Variants in ASH1L observed in about 807,000 individuals in gnomAD.
ASH1L encodes histone-lysine N-methyltransferase ASH1L.
Under a neutral mutation model 269.0 loss-of-function variants are expected in ASH1L, and 23 were observed. The observed-to-expected ratio is 0.09, with a 90% confidence interval of 0.06 to 0.12. ASH1L has a LOEUF of 0.12. Ranked by LOEUF, ASH1L falls within the 10% of genes least tolerant of loss-of-function variation. The pLI, the probability that ASH1L is intolerant of heterozygous loss-of-function variation, is 1.00. For missense variants in ASH1L, 2,912 were observed against 3,567.8 expected, an observed-to-expected ratio of 0.82 and a Z score of 4.68; for synonymous variants, 1,187 against 1,253.5, an observed-to-expected ratio of 0.95 and a Z score of 1.12.
intron 26 of ASH1L, 148 bp from the exon 27 acceptor site, chr1:155,338,538 T>C (rs1253504009): frequency 6.5e-6 from 4 of 613,898 alleles, no homozygotes; most frequent in Non-Finnish European, 1.1e-5. Context: ...GTTTTCACTT[T>C]ATATTATTTG....
chr1:155,374,615 T>G lies in ASH1L; in HGVS notation c.6333-3632A>C, dbSNP rs560844191. 5.3e-5 allele frequency among the ~76,000 whole-genome samples: 8 copies of G among 152,310 alleles called. No homozygotes were observed. The South Asian group carries it at 1.7e-3, about 32-fold the overall frequency. On this transcript the variant is annotated intron_variant, in intron 10 of 27. Transcript: ENST00000392403. ...GACTTCTTTGGTACATGAATATTAT[T>G]GAATACCCCTCTTGAAATGCCTTCC...
intron 7 of ASH1L, among the ~76,000 whole-genome samples, chr1:155,383,644 G>C (rs532686241): frequency 6.6e-6 from 1 of 152,180 alleles, no homozygotes; most frequent in Admixed American, 6.6e-5. Flanking sequence ...AGCAACACAT[G>C]ATGGTACTAC....
Position 155,425,501 on chromosome 1 carries a change from C to T in ASH1L, c.5829-9578G>A, listed in dbSNP as rs982446099. 4.7e-5 allele frequency among the ~76,000 whole-genome samples: 7 copies of T among 150,042 alleles called. No homozygotes were observed. In the South Asian group the frequency reaches 8.4e-4, roughly 18 times the overall value. On this transcript the variant is annotated intron_variant, in intron 5 of 27. Transcript: ENST00000392403. ...TTGCCCAGGCTGGAGTGCAATGGTG[C>T]GATCTTGGCTCACTGCAATCTCTGC...
chr1:155,459,679 A>C, intron 4 of ASH1L, 118 bp downstream of exon 4: 1 of 786,578 alleles, frequency 1.3e-6, no homozygotes, highest in Non-Finnish European at 2.0e-6. Flanking sequence ...TGAATGGAAA[A>C]ATAAAATACC....
intron 5 of ASH1L, chr1:155,433,487 G>T (rs1269529637): frequency 6.2e-7 from 1 of 1,610,588 alleles, no homozygotes; most frequent in African/African-American, 1.3e-5. Context: ...AGGAGTCAGG[G>T]TGGAGAGCAA....
chr1:155,499,591 T>C (rs754490725), intron 2 of ASH1L, among the ~76,000 whole-genome samples: 76 of 152,326 alleles, frequency 5.0e-4, no homozygotes, highest in Non-Finnish European at 9.6e-4. Flanking sequence ...GGACCTTTAA[T>C]TCTGATGTCT....
intron 3 of ASH1L, among the ~76,000 whole-genome samples, chr1:155,475,657 G>C (rs1318930858): frequency 2.0e-5 from 3 of 152,132 alleles, no homozygotes; most frequent in Admixed American, 1.3e-4. Flanking sequence ...CAGATATCAG[G>C]CATTTACTAT....
At chr1:155,554,711 A>G (rs1367276792) in intron 1 of ASH1L, among the ~76,000 whole-genome samples, 1 of 152,232 alleles carries the variant, frequency 6.6e-6, no homozygotes, top group Non-Finnish European at 1.5e-5. Flanking sequence ...ACAAAAACAA[A>G]AACAAAAAAA....
At chr1:155,526,096 C>T (rs756863993) in intron 1 of ASH1L, among the ~76,000 whole-genome samples, 48 of 152,008 alleles carry the variant, frequency 3.2e-4, no homozygotes, top group Non-Finnish European at 6.0e-4. Context: ...TAGGGAAGGC[C>T]AACTGTATAA....
intron 1 of ASH1L, among the ~76,000 whole-genome samples, chr1:155,541,979 T>C (rs546022601): frequency 2.6e-5 from 4 of 152,168 alleles, no homozygotes; most frequent in African/African-American, 9.6e-5. Context: ...CAGAAAGCAG[T>C]CCCAAGGCTA....
At chr1:155,441,194 T>C (rs902586143) in intron 4 of ASH1L, among the ~76,000 whole-genome samples, 1 of 152,180 alleles carries the variant, frequency 6.6e-6, no homozygotes, top group Admixed American at 6.6e-5. Context: ...GTCTAGTCCC[T>C]CTCTGCTGCC....
chr1:155,395,846 A>C (rs888734114), intron 6 of ASH1L, among the ~76,000 whole-genome samples: 4 of 152,182 alleles, frequency 2.6e-5, no homozygotes, highest in Non-Finnish European at 4.4e-5. Flanking sequence ...TTTAAAAAAA[A>C]AGAAAGAAAA....
intron 17 of ASH1L, among the ~76,000 whole-genome samples, chr1:155,349,885 T>TA (rs1653730581): frequency 7.7e-6 from 1 of 129,294 alleles, no homozygotes; most frequent in South Asian, 2.6e-4. Flanking sequence ...GCCAAGCTAC[T>TA]TTTTTTTTTT....
chr1:155,456,633 A>C (rs1663883377), intron 4 of ASH1L, among the ~76,000 whole-genome samples: 1 of 152,130 alleles, frequency 6.6e-6, no homozygotes, highest in South Asian at 2.1e-4. Context: ...AAGTTCATAT[A>C]TATACTGGTA....
At chr1:155,463,720 A>G (rs1664470146) in intron 3 of ASH1L, among the ~76,000 whole-genome samples, 1 of 152,098 alleles carries the variant, frequency 6.6e-6, no homozygotes, top group South Asian at 2.1e-4. Flanking sequence ...GCTTGAGCCC[A>G]GGAGGTAGAG....
intron 3 of ASH1L, among the ~76,000 whole-genome samples, chr1:155,464,728 C>T (rs930516659): frequency 6.6e-6 from 1 of 151,970 alleles, no homozygotes; most frequent in Non-Finnish European, 1.5e-5. Flanking sequence ...TGTGAAGGAA[C>T]CTTGGAAGTG....
intron 6 of ASH1L, among the ~76,000 whole-genome samples, chr1:155,404,776 T>A (rs1447747114): frequency 6.6e-6 from 1 of 152,142 alleles, no homozygotes; most frequent in Non-Finnish European, 1.5e-5. Context: ...ATGCCTGTCA[T>A]CCCAGCACTT....
intron 17 of ASH1L, among the ~76,000 whole-genome samples, chr1:155,352,297 C>CAAAAAAAAA (rs1281473342): frequency 1.4e-4 from 4 of 28,094 alleles, no homozygotes; most frequent in Non-Finnish European, 3.0e-4. Flanking sequence ...ACCTCCATCT[C>CAAAAAAAAA]AAAAAAAAAA....
At chr1:155,404,994 C>T (rs918224225) in intron 6 of ASH1L, among the ~76,000 whole-genome samples, 10 of 150,960 alleles carry the variant, frequency 6.6e-5, no homozygotes, top group Non-Finnish European at 8.8e-5. Context: ...CACCACTGCA[C>T]GCCAGCCTGG....
Sources: allele counts gnomAD v4.1 joint callset (sites outside exome capture counted in the v4.1 genomes callset), GRCh38; gene constraint gnomAD v4.1.1; transcripts MANE v1.5; gene names NCBI Gene and HGNC (gene_info 2026-07-23, HGNC 2026-07-21).